The following IL7 variants were observed in gnomAD, a reference collection of about 807,000 sequenced individuals.
IL7 encodes the protein interleukin 7, also known as interleukin-7.
IL7 carries 3 observed loss-of-function variants against 21.6 expected under a neutral mutation model. The ratio of observed to expected loss-of-function variants is 0.14; its 90% CI spans 0.06 to 0.36. IL7 has a LOEUF of 0.36. Ranked by LOEUF, IL7 falls within the 10% of genes least tolerant of loss-of-function variation. The pLI is 1.00. For synonymous variants in IL7, 62 were observed against 68.1 expected (o/e 0.91, Z 0.44); for missense variants, 175 against 200.2 (o/e 0.87, Z 0.76).
intron 2 of IL7, among the ~76,000 whole-genome samples, chr8:78,765,060 C>T (rs1253199869): frequency 6.6e-6 from 1 of 151,980 alleles, no homozygotes; most frequent in Non-Finnish European, 1.5e-5. Context: ...GACAAACGGG[C>T]AAAGGCAATA....
intron 3 of IL7, among the ~76,000 whole-genome samples, chr8:78,721,669 T>C (rs1297876632): frequency 6.6e-6 from 1 of 151,998 alleles, no homozygotes; most frequent in Non-Finnish European, 1.5e-5. Context: ...TCTTAAATTA[T>C]AAAACTTAAA....
In IL7 at chr8:78,736,483, T is replaced by G; in HGVS notation, c.405A>C (p.Thr135=). Residue 135 remains threonine (T), a synonymous_variant, in exon 5 of 6, where the codon ACA becomes ACC. Transcript: ENST00000263851. ...ATACAATTATTCTCACCAAACTCTTTGTTGGTTGGGCTTCACCCAGGGCAG... is the reference window on the plus strand; with the variant it reads ...ATACAATTATTCTCACCAAACTCTTGGTTGGTTGGGCTTCACCCAGGGCAG... ...KPAALGEAQP[T]KSLEENKSLK... 2 of 1,598,194 alleles carry G rather than the reference T, an allele frequency of 1.3e-6. No homozygotes were observed. Among genetic ancestry groups the G allele is most frequent in the South Asian group, 1.1e-5 (1 of 88,708 alleles).
At chr8:78,722,689 C>G (rs1348452844) in intron 3 of IL7, among the ~76,000 whole-genome samples, 2 of 151,748 alleles carry the variant, frequency 1.3e-5, no homozygotes, top group Non-Finnish European at 2.9e-5. Flanking sequence ...AGTTAAGATG[C>G]CATATCAAAG....
intron 2 of IL7, among the ~76,000 whole-genome samples, chr8:78,768,391 T>C (rs961965781): frequency 1.3e-4 from 19 of 150,146 alleles, no homozygotes; most frequent in Admixed American, 1.2e-3. Context: ...CCACCAACAG[T>C]GTAAAAGTGT....
chr8:78,760,924 C>A, intron 2 of IL7: 1 of 1,557,750 alleles, frequency 6.4e-7, no homozygotes, highest in Non-Finnish European at 8.7e-7. Flanking sequence ...AGGTTTGCCC[C>A]TGGAGGTTTT....
intron 3 of IL7, among the ~76,000 whole-genome samples, chr8:78,705,413 G>T (rs1810740929): frequency 6.6e-6 from 1 of 152,160 alleles, no homozygotes; most frequent in African/African-American, 2.4e-5. Context: ...ACCAGTGAAG[G>T]CTACAAATCA....
chr8:78,694,077 GT>G (rs1586006796), intron 3 of IL7, among the ~76,000 whole-genome samples: 2 of 152,092 alleles, frequency 1.3e-5, no homozygotes, highest in East Asian at 3.9e-4. Flanking sequence ...GCTCAGTTCT[GT>G]TCCATTGGTC....
intron 2 of IL7, among the ~76,000 whole-genome samples, chr8:78,788,417 T>C (rs1813582725): frequency 6.6e-6 from 1 of 152,180 alleles, no homozygotes; most frequent in African/African-American, 2.4e-5. Flanking sequence ...CATGCAAATA[T>C]CTATTTTCTT....
chr8:78,694,786 A>G (rs1200812041), intron 3 of IL7, among the ~76,000 whole-genome samples: 1 of 152,208 alleles, frequency 6.6e-6, no homozygotes, highest in Non-Finnish European at 1.5e-5. Flanking sequence ...GAAATGTATG[A>G]GATTTGTGAG....
intron 2 of IL7, among the ~76,000 whole-genome samples, chr8:78,743,769 C>G (rs752761181): frequency 1.1e-4 from 16 of 152,158 alleles, no homozygotes; most frequent in Non-Finnish European, 1.8e-4. Context: ...CTTATCTAAT[C>G]TACCTTCAAT....
At chr8:78,790,472 T>C (rs1172883433) in intron 2 of IL7, among the ~76,000 whole-genome samples, 1 of 152,174 alleles carries the variant, frequency 6.6e-6, no homozygotes, top group African/African-American at 2.4e-5. Flanking sequence ...TTTTCATTAA[T>C]TTATGGTGTT....
chr8:78,689,203 C>T (rs763531852), intron 3 of IL7: 7 of 1,447,654 alleles, frequency 4.8e-6, no homozygotes, highest in South Asian at 1.6e-5. Context: ...TAATCTGTTT[C>T]CGTTTTTATC....
chr8:78,676,952 T>G (rs938788174), intron 4 of IL7, among the ~76,000 whole-genome samples: 2 of 152,050 alleles, frequency 1.3e-5, no homozygotes, highest in African/African-American at 4.8e-5. Context: ...AAGGAACATA[T>G]GTACATGGGT....
chr8:78,748,484 AC>A (rs772523756), intron 2 of IL7, among the ~76,000 whole-genome samples: 3 of 152,362 alleles, frequency 2.0e-5, no homozygotes, highest in Non-Finnish European at 4.4e-5. Flanking sequence ...GGTGAGTACA[AC>A]AAAAGAGTCA....
chr8:78,720,091 T>A (rs1811209114), intron 5 of IL7, among the ~76,000 whole-genome samples: 1 of 151,856 alleles, frequency 6.6e-6, no homozygotes, highest in Admixed American at 6.6e-5. Context: ...TACAGTTTAA[T>A]GGCAAAGTTA....
At chr8:78,774,249 CTCT>C (rs1484246328) in intron 2 of IL7, among the ~76,000 whole-genome samples, 1 of 152,046 alleles carries the variant, frequency 6.6e-6, no homozygotes, top group African/African-American at 2.4e-5. Flanking sequence ...GTAGCCTTGC[CTCT>C]TCTTCATCTA....
chr8:78,746,992 T>G (rs1350154804), intron 2 of IL7: 1 of 456,218 alleles, frequency 2.2e-6, no homozygotes, highest in Non-Finnish European at 4.4e-6. Context: ...CAGTTACTCT[T>G]CATGGTCACA....
intron 3 of IL7, among the ~76,000 whole-genome samples, chr8:78,726,220 T>C (rs1244828558): frequency 2.0e-5 from 3 of 152,036 alleles, no homozygotes; most frequent in Non-Finnish European, 2.9e-5. Context: ...CTTTTTTGTT[T>C]ACTATACTTG....
At chr8:78,785,780 G>T (rs1315380388) in intron 2 of IL7, among the ~76,000 whole-genome samples, 1 of 152,122 alleles carries the variant, frequency 6.6e-6, no homozygotes, top group South Asian at 2.1e-4. Context: ...ATATTTATTT[G>T]ACTCCATATC....
Sources: gnomAD v4.1 joint callset for allele counts (sites outside exome capture counted in the v4.1 genomes callset) on GRCh38, gnomAD v4.1.1 for gene constraint, MANE v1.5 for transcripts, NCBI Gene and HGNC (gene_info 2026-07-23, HGNC 2026-07-21) for gene names.